The following L3MBTL3 variants were observed in gnomAD, a reference collection of about 807,000 sequenced individuals.
The protein encoded by L3MBTL3 is L3MBTL histone methyl-lysine binding protein 3, also known as lethal(3)malignant brain tumor-like protein 3.
In L3MBTL3, 27 loss-of-function variants were observed where a neutral mutation model predicts 102.3. The ratio of observed to expected loss-of-function variants is 0.26; its 90% CI spans 0.19 to 0.36. The LOEUF is 0.36. Ranked by LOEUF, L3MBTL3 falls within the 10% of genes least tolerant of loss-of-function variation. L3MBTL3 has a pLI of 1.00. For synonymous variants in L3MBTL3, 340 were observed against 320.9 expected, an observed-to-expected ratio of 1.06 and a Z score of -0.64; for missense variants, 798 against 955.3, an observed-to-expected ratio of 0.84 and a Z score of 2.17.
At chr6:130,098,976 T>C (rs140165137) in intron 18 of L3MBTL3, among the ~76,000 whole-genome samples, 1 of 151,570 alleles carries the variant, frequency 6.6e-6, no homozygotes, top group African/African-American at 2.4e-5. Flanking sequence ...TATACAATTA[T>C]TGTATATTGT....
rs559143001 is a variant in L3MBTL3, at chr6:130,070,873, A to T, written c.1093-103A>T. 7.2e-5 allele frequency: 47 copies of T among 651,980 alleles called. No homozygotes were observed. In the East Asian group the frequency reaches 1.3e-3, roughly 19 times the overall value. 40.4% of individuals were successfully genotyped at this position (651,980 alleles called of 1,614,324 possible). A position where few individuals can be genotyped will look rare whatever the true frequency, so the allele number is the denominator to read the frequency against. On this transcript the variant is annotated intron_variant, in intron 12 of 22. Transcript: ENST00000361794. Reference sequence around the variant, plus strand: ...TATGATTTTTAAATTATGTGAATACAGCAGTGGATGCTGGGCCTTTGAGCA... The same window carrying T: ...TATGATTTTTAAATTATGTGAATACTGCAGTGGATGCTGGGCCTTTGAGCA...
intron 15 of L3MBTL3, among the ~76,000 whole-genome samples, chr6:130,085,297 TC>T (rs1783613091): frequency 1.3e-5 from 2 of 152,272 alleles, no homozygotes; most frequent in South Asian, 4.1e-4. Flanking sequence ...AGCTGTTGAT[TC>T]CCCCAACCCA....
At chr6:130,104,002 C>T (rs368639998) in intron 18 of L3MBTL3, among the ~76,000 whole-genome samples, 46 of 152,310 alleles carry the variant, frequency 3.0e-4, no homozygotes, top group African/African-American at 1.1e-3. Context: ...AATTAAATAG[C>T]GTGTGACTGC....
intron 19 of L3MBTL3, among the ~76,000 whole-genome samples, chr6:130,106,920 G>A (rs58766989): frequency 0.019 from 2,966 of 152,274 alleles, 106 homozygotes; most frequent in African/African-American, 0.068. Flanking sequence ...CACATTACTA[G>A]TAATCTTATG....
chr6:130,135,815 T>C (rs1787594043), intron 22 of L3MBTL3, among the ~76,000 whole-genome samples: 1 of 152,242 alleles, frequency 6.6e-6, no homozygotes, highest in Non-Finnish European at 1.5e-5. Context: ...TGTGTCATGC[T>C]CTTGTGAGAA....
At chr6:130,024,700 C>A (rs1779229245) in intron 2 of L3MBTL3, among the ~76,000 whole-genome samples, 1 of 152,134 alleles carries the variant, frequency 6.6e-6, no homozygotes, top group Admixed American at 6.5e-5. Flanking sequence ...GGTATTGTTT[C>A]TACTAGTTAC....
chr6:130,112,833 G>A (rs921568849), intron 19 of L3MBTL3, among the ~76,000 whole-genome samples: 2 of 152,148 alleles, frequency 1.3e-5, no homozygotes, highest in African/African-American at 4.8e-5. Flanking sequence ...ATGTGAGTAC[G>A]TGGTCCTTAT....
At chr6:130,065,488 C>T (rs1782186097) in intron 10 of L3MBTL3, among the ~76,000 whole-genome samples, 1 of 152,154 alleles carries the variant, frequency 6.6e-6, no homozygotes, top group South Asian at 2.1e-4. Context: ...TTTTAGAGAA[C>T]TTTCCATGAC....
rs376419261 is a variant in L3MBTL3 at position 130,108,220 on chromosome 6, G to GTTTTTTTTTTTTTTTTTTTTTTTT, written c.1886+3655_1886+3656insTTTTTTTTTTTTTTTTTTTTTTTT. Among the ~76,000 whole-genome samples the GTTTTTTTTTTTTTTTTTTTTTTTT allele has an allele frequency of 2.5e-5, 3 of 118,704 alleles. 1 individual carries two copies. 77.9% of individuals were successfully genotyped at this position (118,704 alleles called of 152,430 possible). A position where few individuals can be genotyped will look rare whatever the true frequency, so the allele number is the denominator to read the frequency against. On this transcript the variant is annotated intron_variant, in intron 19 of 22. Coordinates refer to ENST00000361794, the MANE Select transcript of L3MBTL3 (RefSeq NM_032438.4). ...ATAAGCCCTCAATAAATGTTAGGTG[G>GTTTTTTTTTTTTTTTTTTTTTTTT]TTTTTTTTTTGTTTTTTTTTTTTTT...
intron 2 of L3MBTL3, among the ~76,000 whole-genome samples, chr6:130,033,123 G>A (rs1362541336): frequency 6.6e-6 from 1 of 152,184 alleles, no homozygotes; most frequent in East Asian, 1.9e-4. Context: ...ATGGAAAGAG[G>A]AACTGTAAGA....
chr6:130,137,463 C>CA (rs2114479118), intron 22 of L3MBTL3, among the ~76,000 whole-genome samples: 1 of 152,320 alleles, frequency 6.6e-6, no homozygotes, highest in Admixed American at 6.5e-5. Flanking sequence ...GGCCACATGT[C>CA]AGAGCAACCT....
intron 16 of L3MBTL3, among the ~76,000 whole-genome samples, chr6:130,087,398 A>G (rs1187224425): frequency 1.3e-5 from 2 of 152,170 alleles, no homozygotes; most frequent in Admixed American, 6.5e-5. Flanking sequence ...AGTATTTTTT[A>G]AAATAAAATC....
At chr6:130,135,718 C>G (rs1002900168) in intron 22 of L3MBTL3, among the ~76,000 whole-genome samples, 1 of 152,214 alleles carries the variant, frequency 6.6e-6, no homozygotes, top group Admixed American at 6.5e-5. Flanking sequence ...TTAATATTCT[C>G]TGTCGATATG....
intron 2 of L3MBTL3, among the ~76,000 whole-genome samples, chr6:130,040,879 TTCA>T (rs1456972586): frequency 9.2e-5 from 14 of 152,218 alleles, no homozygotes; most frequent in African/African-American, 3.4e-4. Context: ...TTATTTTTAC[TTCA>T]TCAATAATGG....
chr6:130,022,554 G>C (rs188924196), intron 2 of L3MBTL3, among the ~76,000 whole-genome samples: 1 of 152,204 alleles, frequency 6.6e-6, no homozygotes, highest in African/African-American at 2.4e-5. Flanking sequence ...TAGCATTTTA[G>C]CACCTGTTTT....
chr6:130,065,905 A>G (rs367786629), intron 10 of L3MBTL3, among the ~76,000 whole-genome samples: 261 of 144,484 alleles, frequency 1.8e-3, no homozygotes, highest in African/African-American at 6.7e-3. Context: ...TTTGGTGGAG[A>G]AAAAAAGCTT....
intron 9 of L3MBTL3, among the ~76,000 whole-genome samples, chr6:130,057,915 G>A (rs539368289): frequency 3.3e-5 from 5 of 151,414 alleles, no homozygotes; most frequent in African/African-American, 1.2e-4. Flanking sequence ...AGGCCGAGGC[G>A]GGTGGATCAC....
chr6:130,100,060 G>A (rs887888886), intron 18 of L3MBTL3, among the ~76,000 whole-genome samples: 1 of 152,202 alleles, frequency 6.6e-6, no homozygotes, highest in African/African-American at 2.4e-5. Flanking sequence ...GTGGTTAAGA[G>A]ATAGCCACAG....
At chr6:130,070,772 A>G in intron 12 of L3MBTL3, 1 of 319,052 alleles carries the variant, frequency 3.1e-6, no homozygotes, top group Admixed American at 4.9e-5. Flanking sequence ...AATTGGGTGT[A>G]ACAGTAGGAC....
Sources: gnomAD v4.1 joint callset for allele counts (sites outside exome capture counted in the v4.1 genomes callset) on GRCh38, gnomAD v4.1.1 for gene constraint, MANE v1.5 for transcripts, NCBI Gene and HGNC (gene_info 2026-07-23, HGNC 2026-07-21) for gene names.